The following G3BP2 variants were observed in gnomAD, a reference collection of about 807,000 sequenced individuals.
The protein encoded by G3BP2 is ras GTPase-activating protein-binding protein 2.
A neutral mutation model predicts 56.7 loss-of-function variants in G3BP2; 11 were observed. That is an observed-to-expected ratio of 0.19 (90% confidence interval 0.12 to 0.32). The LOEUF (loss-of-function observed/expected upper bound fraction) is 0.32, where lower values mean the gene tolerates loss of function less well. Ranked by LOEUF, G3BP2 falls within the 10% of genes least tolerant of loss-of-function variation. G3BP2 has a pLI of 1.00. For synonymous variants in G3BP2, 165 were observed against 191.6 expected (o/e 0.86, Z 1.15); for missense variants, 340 against 610.9 (o/e 0.56, Z 4.67).
At chr4:75,670,438 T>G (rs745752305) in intron 1 of G3BP2, 1 of 152,214 alleles carries the variant, frequency 6.6e-6, no homozygotes, top group Non-Finnish European at 1.5e-5. Context: ...CTAAGAATCA[T>G]AGTGGTACAA....
upstream of G3BP2, among the ~76,000 whole-genome samples, chr4:75,678,021 C>T (rs567308381): frequency 6.6e-6 from 1 of 152,336 alleles, no homozygotes; most frequent in South Asian, 2.1e-4. Context: ...AGCAAGAAGG[C>T]ACCATCTTTG....
In G3BP2 at chr4:75,655,190, T is replaced by C; in HGVS notation, c.602A>G (p.Glu201Gly). 6.2e-7 allele frequency: 1 copy of C among 1,613,818 alleles called. No homozygotes were observed. Among genetic ancestry groups the C allele is most frequent in the Non-Finnish European group, 8.5e-7 (1 of 1,179,694 alleles). Residue 201 changes from glutamate (E) to glycine (G), a missense_variant, in exon 7 of 12, where the codon GAA becomes GGA. Transcript: ENST00000359707. ...ESSHEPEPEPESETKTEELKP... is the reference protein window; with the variant it reads ...ESSHEPEPEPGSETKTEELKP... ...CAGCTCTTCAGTCTTTGTTTCAGATTCTGGCTCAGGTTCAGGTTCATGAGA... is the reference window on the plus strand; with the variant it reads ...CAGCTCTTCAGTCTTTGTTTCAGATCCTGGCTCAGGTTCAGGTTCATGAGA...
At chr4:75,674,168 G>A (rs1462805276), upstream of G3BP2, among the ~76,000 whole-genome samples, 2 of 152,134 alleles carry the variant, frequency 1.3e-5, no homozygotes, top group African/African-American at 2.4e-5. Context: ...ACAAAGCCAA[G>A]CCAAATCTTG....
intron 3 of G3BP2, among the ~76,000 whole-genome samples, chr4:75,707,077 A>G (rs1457087804): frequency 6.6e-6 from 1 of 151,148 alleles, no homozygotes; most frequent in Non-Finnish European, 1.5e-5. Flanking sequence ...CTGTAATCCC[A>G]GCTACTCGGG....
At chr4:75,672,021 G>C (rs1733525564) in intron 1 of G3BP2, among the ~76,000 whole-genome samples, 1 of 152,198 alleles carries the variant, frequency 6.6e-6, no homozygotes, top group Admixed American at 6.5e-5. Flanking sequence ...CCAGGTACCT[G>C]CAACACTAAC....
At chr4:75,667,011 G>A (rs1733091504) in intron 1 of G3BP2, among the ~76,000 whole-genome samples, 1 of 152,166 alleles carries the variant, frequency 6.6e-6, no homozygotes, top group Non-Finnish European at 1.5e-5. Context: ...AGAAGGCCTG[G>A]TGCAGTGGCT....
chr4:75,668,000 C>T (rs527263453), intron 1 of G3BP2, among the ~76,000 whole-genome samples: 3 of 152,212 alleles, frequency 2.0e-5, no homozygotes, highest in Non-Finnish European at 4.4e-5. Flanking sequence ...ATATTTTATT[C>T]ATTCCTGTTT....
rs778324399 is a variant in G3BP2 at position 75,653,988 on chromosome 4, A to G, written c.820T>C (p.Ser274Pro). ...GIPPHVKAPV[S>P]QPRVEAKPEV... is the part of the protein sequence containing the mutation. ...TGTGTTCACAGATTGGTTACCTGTGAGACTGGTGCTTTAACATGGGGTGGA... is the reference window on the plus strand; with the variant it reads ...TGTGTTCACAGATTGGTTACCTGTGGGACTGGTGCTTTAACATGGGGTGGA... The change falls in exon 8 of 12, where the codon TCA becomes CCA. Residue 274 changes from serine (S) to proline (P), a missense_variant. Physicochemically the swap from Ser to Pro is moderately conservative, Grantham distance 74. Coordinates refer to ENST00000359707, the MANE Select transcript of G3BP2 (RefSeq NM_203505.3). The G allele has an allele frequency of 6.8e-7, 1 of 1,473,186 alleles. No individual in the cohort carries two copies. The highest frequency in any genetic ancestry group is 9.5e-7 in the Non-Finnish European group (1 of 1,051,640). 91.3% of individuals were successfully genotyped at this position (1,473,186 alleles called of 1,614,324 possible). A position where few individuals can be genotyped will look rare whatever the true frequency, so the allele number is the denominator to read the frequency against.
intron 3 of G3BP2, among the ~76,000 whole-genome samples, chr4:75,687,464 T>C (rs903554346): frequency 6.6e-6 from 1 of 152,180 alleles, no homozygotes; most frequent in African/African-American, 2.4e-5. Flanking sequence ...GGTATGTCTT[T>C]ACCAGCTGTG....
chr4:75,664,637 CAGG>C (rs1045365452), intron 1 of G3BP2, among the ~76,000 whole-genome samples: 13 of 152,058 alleles, frequency 8.5e-5, no homozygotes, highest in Non-Finnish European at 1.9e-4. Context: ...CATTTGAGAT[CAGG>C]AGTTCGAGAC....
chr4:75,658,821 T>C, intron 3 of G3BP2, 22 bp downstream of exon 3: 2 of 1,451,398 alleles, frequency 1.4e-6, no homozygotes, highest in Non-Finnish European at 1.9e-6. Context: ...ATTTCTAAAC[T>C]ACATATGAAA....
chr4:75,717,113 C>T (rs72855748), intron 3 of G3BP2, among the ~76,000 whole-genome samples: 5,338 of 152,206 alleles, frequency 0.035, 303 homozygotes, highest in African/African-American at 0.12. Context: ...TTGTCAATCA[C>T]AGGCCATTGG....
At chr4:75,659,150 T>C (rs937282553) in intron 2 of G3BP2, among the ~76,000 whole-genome samples, 12 of 152,350 alleles carry the variant, frequency 7.9e-5, no homozygotes, top group South Asian at 2.1e-4. Flanking sequence ...CTAATGCACA[T>C]AGAATGCTTA....
At chr4:75,692,102 A>G (rs1578433674) in intron 3 of G3BP2, among the ~76,000 whole-genome samples, 1 of 152,268 alleles carries the variant, frequency 6.6e-6, no homozygotes, top group East Asian at 1.9e-4. Flanking sequence ...TTTCCCTTCA[A>G]AAATTGGAGA....
chr4:75,647,061 A>G lies in G3BP2; in HGVS notation c.1025T>C (p.Ile342Thr). The G allele has an allele frequency of 6.3e-7, 1 of 1,598,800 alleles. No individual in the cohort carries two copies. The highest frequency in any genetic ancestry group is 8.6e-7 in the Non-Finnish European group (1 of 1,168,524). The part of the protein sequence containing the change: ...QLFVGNLPHD[I>T]DENELKEFFM... ...GAATTCCTTTAGCTCATTTTCATCAATATCATGTGGCAAGTTACCAACAAA... is the reference window on the plus strand; with the variant it reads ...GAATTCCTTTAGCTCATTTTCATCAGTATCATGTGGCAAGTTACCAACAAA... The change falls in exon 10 of 12, where the codon ATT becomes ACT. Residue 342 changes from isoleucine (I) to threonine (T), a missense_variant. By Grantham distance (89) the Ile-to-Thr change is moderately conservative. Transcript: ENST00000359707.
At chr4:75,654,188 C>T in intron 7 of G3BP2, 107 bp from the exon 8 acceptor site, 1 of 638,542 alleles carries the variant, frequency 1.6e-6, no homozygotes. Flanking sequence ...AACTATTGCT[C>T]TATATTGGAA....
rs938066291 is a variant in G3BP2, at chr4:75,644,818, C to A, written c.*612G>T. On this transcript the variant is annotated 3_prime_UTR_variant, in exon 12 of 12. Transcript: ENST00000359707. ...GTAGTCTTGTTAAGGTTTATGTGTA[C>A]ACACGCTGGTCACAGCAAGCAGATA... 1.3e-5 allele frequency: 2 copies of A among 152,760 alleles called. No individual in the cohort carries two copies. Among genetic ancestry groups the A allele is most frequent in the Non-Finnish European group, 2.9e-5 (2 of 68,146 alleles). The allele number at this position is 152,760 out of a possible 1,614,324, so 9.5% of individuals were successfully genotyped here. A position where few individuals can be genotyped will look rare whatever the true frequency, so the allele number is the denominator to read the frequency against.
intron 3 of G3BP2, among the ~76,000 whole-genome samples, chr4:75,680,776 C>A (rs1278548836): frequency 6.6e-6 from 1 of 151,784 alleles, no homozygotes; most frequent in African/African-American, 2.4e-5. Flanking sequence ...ACCATCCTGG[C>A]CAACATGGTG....
chr4:75,664,637 C>G (rs1732854314), intron 1 of G3BP2, among the ~76,000 whole-genome samples: 1 of 152,058 alleles, frequency 6.6e-6, no homozygotes, highest in Non-Finnish European at 1.5e-5. Flanking sequence ...CATTTGAGAT[C>G]AGGAGTTCGA....
Sources: gnomAD v4.1 joint callset for allele counts (sites outside exome capture counted in the v4.1 genomes callset) on GRCh38, gnomAD v4.1.1 for gene constraint, MANE v1.5 for transcripts, NCBI Gene and HGNC (gene_info 2026-07-23, HGNC 2026-07-21) for gene names.